KLHL13: variants seen among roughly 807,000 people sequenced by gnomAD.
The protein encoded by KLHL13 is kelch-like protein 13.
Under a neutral mutation model 37.1 loss-of-function variants are expected in KLHL13, and 10 were observed. That is an observed-to-expected ratio of 0.27 (90% CI 0.17 to 0.46). KLHL13 has a LOEUF of 0.46. Among genes scored for constraint, KLHL13 ranks in the 20% least tolerant of loss-of-function variants. KLHL13 has a pLI of 1.00. For missense variants in KLHL13, 360 were observed against 509.3 expected, an observed-to-expected ratio of 0.71 and a Z score of 2.82; for synonymous variants, 163 against 181.2, an observed-to-expected ratio of 0.90 and a Z score of 0.81.
At chrX:118,093,583 C>T (rs908219293) in intron 1 of KLHL13, among the ~76,000 whole-genome samples, 1 of 111,866 alleles carries the variant, frequency 8.9e-6, no homozygotes, top group Admixed American at 9.5e-5. Flanking sequence ...CTATTACATG[C>T]TACTCTGTAA....
At chrX:117,937,112 G>A (rs917568590) in intron 2 of KLHL13, among the ~76,000 whole-genome samples, 5 of 111,687 alleles carry the variant, frequency 4.5e-5, no homozygotes, top group Non-Finnish European at 9.4e-5. Context: ...TGAAGCCGGA[G>A]TATGTGTTAT....
intron 1 of KLHL13, among the ~76,000 whole-genome samples, chrX:118,088,095 C>G (rs980799483): frequency 8.9e-5 from 10 of 112,069 alleles, no homozygotes; most frequent in African/African-American, 3.2e-4. Flanking sequence ...TATTTTGAAG[C>G]CATATTCTCT....
intron 4 of KLHL13, among the ~76,000 whole-genome samples, chrX:117,915,693 C>A (rs914960832): frequency 1.8e-5 from 2 of 112,035 alleles, no homozygotes; most frequent in African/African-American, 6.5e-5. Flanking sequence ...AAATTGTAAT[C>A]TTTTGAGTTC....
At chrX:118,014,495 C>T (rs997061384) in intron 1 of KLHL13, among the ~76,000 whole-genome samples, 2 of 111,883 alleles carry the variant, frequency 1.8e-5, no homozygotes, top group Admixed American at 1.9e-4. Flanking sequence ...GGCACACAGA[C>T]CCTCATCAGT....
chrX:118,055,634 T>A (rs1278459630), intron 1 of KLHL13, among the ~76,000 whole-genome samples: 2 of 111,719 alleles, frequency 1.8e-5, no homozygotes, highest in Non-Finnish European at 3.8e-5. Flanking sequence ...TAAAGATGAA[T>A]ATGCTAGGCA....
chrX:118,049,700 A>G (rs994738469), intron 1 of KLHL13, among the ~76,000 whole-genome samples: 2 of 111,441 alleles, frequency 1.8e-5, no homozygotes, highest in Non-Finnish European at 3.8e-5. Flanking sequence ...AGCCTATTTC[A>G]GAACGCTCAT....
intron 1 of KLHL13, among the ~76,000 whole-genome samples, chrX:118,105,892 CTTT>C (rs754130371): frequency 1.0e-4 from 7 of 67,055 alleles, no homozygotes; most frequent in African/African-American, 3.5e-4. Context: ...GTCTAAACAG[CTTT>C]TTTTTTTTTT....
intron 1 of KLHL13, among the ~76,000 whole-genome samples, chrX:117,992,092 C>T (rs2053799386): frequency 9.1e-6 from 1 of 110,066 alleles, no homozygotes; most frequent in African/African-American, 3.3e-5. Flanking sequence ...AGAGCTGTTG[C>T]CCTGAGGGAA....
intron 1 of KLHL13, among the ~76,000 whole-genome samples, chrX:118,008,110 A>G (rs749070260): frequency 1.8e-5 from 2 of 111,454 alleles, no homozygotes; most frequent in Non-Finnish European, 3.8e-5. Flanking sequence ...TCATGGGTCC[A>G]TATTCCTGGT....
intron 1 of KLHL13, among the ~76,000 whole-genome samples, chrX:118,081,408 A>G (rs2054992382): frequency 9.0e-6 from 1 of 111,634 alleles, no homozygotes; most frequent in Non-Finnish European, 1.9e-5. Flanking sequence ...TATCTATAAA[A>G]AAATAAGAAT....
In KLHL13 at chrX:118,058,325, CTAAT is replaced by C. The variant is rs756730544; in HGVS notation, c.-56+58179_-56+58182del. Reference sequence around the variant, plus strand: ...CTCATTTTTATTTCTCTTACACACACTAATTAATTAAAGTATGCCACACTAATTT... The same window carrying C: ...CTCATTTTTATTTCTCTTACACACACTAATTAAAGTATGCCACACTAATTT... On this transcript the variant is annotated intron_variant, in intron 1 of 6. Coordinates refer to the KLHL13 transcript ENST00000371882. 2.5e-3 allele frequency among the ~76,000 whole-genome samples: 280 copies of C among 110,937 alleles called. 3 individuals are homozygous for C. Among genetic ancestry groups the C allele is most frequent in the South Asian group, 0.012 (30 of 2,581 alleles).
chrX:117,964,415 G>C (rs2053374301), intron 1 of KLHL13, among the ~76,000 whole-genome samples: 1 of 111,714 alleles, frequency 9.0e-6, no homozygotes, highest in South Asian at 3.8e-4. Flanking sequence ...AATAAATTAA[G>C]CTATTTAATT....
chrX:118,048,126 G>A (rs1354260648), intron 1 of KLHL13, among the ~76,000 whole-genome samples: 1 of 111,523 alleles, frequency 9.0e-6, no homozygotes, highest in Admixed American at 9.5e-5. Flanking sequence ...ACTCTTACAA[G>A]GAGTGTTCCT....
intron 1 of KLHL13, among the ~76,000 whole-genome samples, chrX:118,056,919 T>G (rs1277929340): frequency 2.7e-5 from 3 of 112,424 alleles, no homozygotes; most frequent in African/African-American, 9.7e-5. Context: ...CATTTCTTTA[T>G]TATCAGCCTC....
At chrX:117,993,256 C>G (rs775474661) in intron 1 of KLHL13, among the ~76,000 whole-genome samples, 1 of 111,395 alleles carries the variant, frequency 9.0e-6, no homozygotes, top group African/African-American at 3.3e-5. Context: ...ATTGTGACAA[C>G]ATAAGATCTT....
intron 1 of KLHL13, among the ~76,000 whole-genome samples, chrX:118,092,419 A>G (rs1345320803): frequency 9.0e-6 from 1 of 111,360 alleles, no homozygotes; most frequent in African/African-American, 3.3e-5. Context: ...GTGCTGAAAG[A>G]TAAGAACTGT....
intron 1 of KLHL13, among the ~76,000 whole-genome samples, chrX:118,039,976 T>C (rs2054490720): frequency 9.0e-6 from 1 of 111,223 alleles, no homozygotes; most frequent in African/African-American, 3.3e-5. Flanking sequence ...TTCTTCTGGA[T>C]CTTAGCAAAA....
chrX:117,945,582 GT>G lies in KLHL13; in HGVS notation c.99-8del. 4 of 1,185,857 alleles carry G rather than the reference GT, an allele frequency of 3.4e-6. No individual in the cohort carries two copies. Among genetic ancestry groups the G allele is most frequent in the Non-Finnish European group, 4.6e-6 (4 of 878,221 alleles). ...TTCCTCTTCCACGAGAGATCTGAAA[GT>G]TTTTTTACATAAGAAAGAAGGGGAA... is the stretch of plus-strand genomic sequence containing the variant. On this transcript the variant is annotated splice_polypyrimidine_tract_variant and splice_region_variant and intron_variant, in intron 1 of 6. Transcript: ENST00000262820.
At chrX:117,949,009 T>C (rs1933457172) in intron 1 of KLHL13, among the ~76,000 whole-genome samples, 1 of 111,936 alleles carries the variant, frequency 8.9e-6, no homozygotes, top group Non-Finnish European at 1.9e-5. Context: ...GCTGCCAACA[T>C]TGTAATCTTG....
Sources: allele counts gnomAD v4.1 joint callset (sites outside exome capture counted in the v4.1 genomes callset), GRCh38; gene constraint gnomAD v4.1.1; transcripts MANE v1.5; gene names NCBI Gene and HGNC (gene_info 2026-07-23, HGNC 2026-07-21).